The following ADORA2B variants were observed in gnomAD, a reference collection of about 807,000 sequenced individuals.
ADORA2B encodes the protein adenosine A2b receptor, also known as adenosine receptor A2b.
Under a neutral mutation model 20.8 loss-of-function variants are expected in ADORA2B, and 18 were observed. The ratio of observed to expected loss-of-function variants is 0.87; its 90% CI spans 0.60 to 1.29. ADORA2B has a LOEUF of 1.29. Ranked by LOEUF, ADORA2B falls within the 50% of genes most tolerant of loss-of-function variation. The pLI is 0.00. For missense variants in ADORA2B, 441 were observed against 422.7 expected (o/e 1.04, Z -0.38); for synonymous variants, 179 against 178.3 (o/e 1.00, Z -0.03).
At chr17:15,863,829 A>T in the ADORA2B span, among the ~76,000 whole-genome samples, 1 of 152,252 alleles carries the variant, frequency 6.6e-6, no homozygotes, top group Non-Finnish European at 1.5e-5. Flanking sequence ...AACAAAATGT[A>T]GCAAAACTCT....
intron 1 of ADORA2B, among the ~76,000 whole-genome samples, chr17:15,957,256 A>G (rs955889143): frequency 5.9e-5 from 9 of 152,204 alleles, no homozygotes; most frequent in Non-Finnish European, 1.2e-4. Context: ...GTAAAATCAT[A>G]TAGGAAAGAG....
At chr17:15,947,347 A>G (rs747748284) in intron 1 of ADORA2B, among the ~76,000 whole-genome samples, 11 of 152,286 alleles carry the variant, frequency 7.2e-5, no homozygotes, top group South Asian at 2.1e-4. Context: ...CCCAGAGAGG[A>G]GTTAGTGGAA....
At chr17:15,915,158 C>T in the ADORA2B span, among the ~76,000 whole-genome samples, 1 of 152,230 alleles carries the variant, frequency 6.6e-6, no homozygotes, top group Non-Finnish European at 1.5e-5. Flanking sequence ...CATTCCCAGC[C>T]TCCAGGGGCC....
At chr17:15,970,769 A>G (rs1479379587) in intron 1 of ADORA2B, among the ~76,000 whole-genome samples, 1 of 152,212 alleles carries the variant, frequency 6.6e-6, no homozygotes, top group Non-Finnish European at 1.5e-5. Context: ...CAGGTGGTTC[A>G]AAGGTGTCAT....
chr17:15,957,082 C>T (rs1293667858), intron 1 of ADORA2B, among the ~76,000 whole-genome samples: 3 of 152,150 alleles, frequency 2.0e-5, no homozygotes, highest in Non-Finnish European at 4.4e-5. Flanking sequence ...AGCCACTTGG[C>T]ATCCAGATGA....
chr17:15,856,086 C>A, the ADORA2B span, among the ~76,000 whole-genome samples: 1 of 152,012 alleles, frequency 6.6e-6, no homozygotes, highest in Admixed American at 6.5e-5. Flanking sequence ...CTCCATAATC[C>A]CCATGTGTCT....
chr17:15,923,002 T>C, the ADORA2B span, among the ~76,000 whole-genome samples: 1 of 152,060 alleles, frequency 6.6e-6, no homozygotes, highest in Non-Finnish European at 1.5e-5. Context: ...TCATTGCCCA[T>C]ATTTCTTTTT....
chr17:15,923,197 C>CTTTCTT, the ADORA2B span, among the ~76,000 whole-genome samples: 139 of 90,340 alleles, frequency 1.5e-3, 1 homozygote, highest in African/African-American at 7.1e-3. Flanking sequence ...TAATTTCTTT[C>CTTTCTT]TTTTTTTAAT....
chr17:15,894,962 T>C, the ADORA2B span, among the ~76,000 whole-genome samples: 1 of 152,112 alleles, frequency 6.6e-6, no homozygotes, highest in East Asian at 1.9e-4. Flanking sequence ...AGCAGTTAGC[T>C]CAAGAGTATA....
chr17:15,944,798 G>T (rs913068858), upstream of ADORA2B: 2 of 153,126 alleles, frequency 1.3e-5, no homozygotes, highest in South Asian at 4.1e-4. The surrounding 1 kb of genome is among the most constrained non-coding windows in gnomAD (Gnocchi z 4.8). Flanking sequence ...TCTCGCGGCG[G>T]CTCCTGGGAC....
chr17:15,854,765 C>G, the ADORA2B span, among the ~76,000 whole-genome samples: 1 of 150,926 alleles, frequency 6.6e-6, no homozygotes, highest in Non-Finnish European at 1.5e-5. Flanking sequence ...TGTGCACAGA[C>G]AGATGTACCA....
At chr17:15,883,273 C>T in the ADORA2B span, among the ~76,000 whole-genome samples, 2 of 152,120 alleles carry the variant, frequency 1.3e-5, no homozygotes, top group Admixed American at 6.5e-5. Flanking sequence ...AGTGCTGTTT[C>T]CTTTAAAAAA....
chr17:15,875,180 A>G, the ADORA2B span, among the ~76,000 whole-genome samples: 1 of 152,184 alleles, frequency 6.6e-6, no homozygotes, highest in Non-Finnish European at 1.5e-5. Flanking sequence ...CCCATAATCA[A>G]GTCTGCAGAG....
At chr17:15,915,901 C>A in the ADORA2B span, among the ~76,000 whole-genome samples, 1 of 152,184 alleles carries the variant, frequency 6.6e-6, no homozygotes, top group African/African-American at 2.4e-5. Flanking sequence ...CAATGTCCAA[C>A]CAGCTATGTG....
chr17:15,967,450 C>T (rs559140480), intron 1 of ADORA2B, among the ~76,000 whole-genome samples: 6 of 152,094 alleles, frequency 3.9e-5, no homozygotes, highest in African/African-American at 9.7e-5. Flanking sequence ...AGGCTGGTCT[C>T]GAACTCCTAA....
chr17:15,858,390 A>G, the ADORA2B span, among the ~76,000 whole-genome samples: 4 of 152,166 alleles, frequency 2.6e-5, no homozygotes, highest in South Asian at 8.3e-4. Flanking sequence ...TTGGCCATTC[A>G]AAATAGAGTG....
the ADORA2B span, among the ~76,000 whole-genome samples, chr17:15,904,614 G>A: frequency 9.1e-3 from 1,381 of 152,106 alleles, 27 homozygotes; most frequent in African/African-American, 0.031. Flanking sequence ...CTGACGTCAT[G>A]ATCTGCCCAC....
chr17:15,881,463 G>A, the ADORA2B span, among the ~76,000 whole-genome samples: 1 of 152,184 alleles, frequency 6.6e-6, no homozygotes, highest in Non-Finnish European at 1.5e-5. Context: ...ACTGTTTTAA[G>A]TGTACAGTTC....
At chr17:15,953,897 C>T (rs969047396) in intron 1 of ADORA2B, among the ~76,000 whole-genome samples, 2 of 152,194 alleles carry the variant, frequency 1.3e-5, no homozygotes, top group Non-Finnish European at 2.9e-5. Flanking sequence ...GCCACTATTT[C>T]TCATGGCTTC....
Sources: allele counts gnomAD v4.1 joint callset (sites outside exome capture counted in the v4.1 genomes callset), GRCh38; gene constraint gnomAD v4.1.1; non-coding constraint Gnocchi (gnomAD v3.1); transcripts MANE v1.5; gene names NCBI Gene and HGNC (gene_info 2026-07-23, HGNC 2026-07-21).